Variants in CSMD1 observed in about 807,000 individuals in gnomAD.
The protein encoded by CSMD1 is CUB and Sushi multiple domains 1.
Under a neutral mutation model 417.5 loss-of-function variants are expected in CSMD1, and 213 were observed. The ratio of observed to expected loss-of-function variants is 0.51; its 90% CI spans 0.46 to 0.57. CSMD1 has a LOEUF of 0.57. Ranked by LOEUF, CSMD1 falls within the 20% of genes least tolerant of loss-of-function variation. CSMD1 has a pLI of 0.00. For missense variants in CSMD1, 6,923 were observed against 4,529.7 expected, an observed-to-expected ratio of 1.53 and a Z score of -15.17; for synonymous variants, 2,862 against 1,736.8, an observed-to-expected ratio of 1.65 and a Z score of -16.11.
At chr8:3,433,880 C>G (rs12675531) in intron 12 of CSMD1, among the ~76,000 whole-genome samples, 4,171 of 152,278 alleles carry the variant, frequency 0.027, 277 homozygotes, top group East Asian at 0.22. Context: ...GCTTCAACTT[C>G]TGGTTAAGTC....
At chr8:4,609,000 T>C (rs759196278) in intron 2 of CSMD1, among the ~76,000 whole-genome samples, 1 of 146,984 alleles carries the variant, frequency 6.8e-6, no homozygotes, top group Non-Finnish European at 1.5e-5. Flanking sequence ...GAATGTGGCA[T>C]ACTTGAATGT....
chr8:3,744,458 A>G (rs1446865398), intron 6 of CSMD1, among the ~76,000 whole-genome samples: 2 of 152,084 alleles, frequency 1.3e-5, no homozygotes, highest in African/African-American at 4.8e-5. Flanking sequence ...CTAGGAAACT[A>G]GATTTTAACT....
chr8:4,186,306 G>T (rs1354970748), intron 3 of CSMD1, among the ~76,000 whole-genome samples: 1 of 152,068 alleles, frequency 6.6e-6, no homozygotes, highest in Non-Finnish European at 1.5e-5. Flanking sequence ...AAGGTTGGGG[G>T]CAGTCAGCTT....
chr8:3,831,940 G>A (rs1242180925), intron 5 of CSMD1, among the ~76,000 whole-genome samples: 1 of 152,028 alleles, frequency 6.6e-6, no homozygotes, highest in African/African-American at 2.4e-5. Context: ...GATTAGTCCT[G>A]GAAAGTTTGC....
At chr8:2,942,421 C>G (rs938072289) in intron 69 of CSMD1, 51 bp downstream of exon 69, 1 of 1,534,208 alleles carries the variant, frequency 6.5e-7, no homozygotes, top group African/African-American at 1.4e-5. Context: ...TTACTTTAAA[C>G]CCATAGTTTA....
At position 3,459,204 on chromosome 8, in the gene CSMD1, G is replaced by T. The variant is rs141202054; in HGVS notation, c.1561+9508C>A. 1.1e-4 allele frequency among the ~76,000 whole-genome samples: 16 copies of T among 152,324 alleles called. No individual in the cohort carries two copies. In the East Asian group the frequency reaches 1.2e-3, roughly 11 times the overall value. On this transcript the variant is annotated intron_variant, in intron 12 of 69. Coordinates refer to ENST00000635120, the MANE Select transcript of CSMD1 (RefSeq NM_033225.6). Reference sequence around the variant, plus strand: ...AAATTCAGTGACTTGCTCTGTGGTGGCTGCACCGTGGTGGGGCACACGGGA... The same window carrying T: ...AAATTCAGTGACTTGCTCTGTGGTGTCTGCACCGTGGTGGGGCACACGGGA...
At chr8:3,495,370 G>C (rs535586181) in intron 10 of CSMD1, among the ~76,000 whole-genome samples, 1 of 152,150 alleles carries the variant, frequency 6.6e-6, no homozygotes, top group Non-Finnish European at 1.5e-5. Context: ...AATTCATTAA[G>C]GTTTGTGTGT....
At chr8:3,650,161 C>G (rs1159499006) in intron 7 of CSMD1, among the ~76,000 whole-genome samples, 2 of 151,932 alleles carry the variant, frequency 1.3e-5, no homozygotes, top group Non-Finnish European at 2.9e-5. Flanking sequence ...TGTCTGTAAT[C>G]CCAGCTATTG....
chr8:3,399,076 C>T (rs1439994701), intron 16 of CSMD1, among the ~76,000 whole-genome samples: 1 of 152,082 alleles, frequency 6.6e-6, no homozygotes, highest in Non-Finnish European at 1.5e-5. Context: ...TTTCCATGTG[C>T]AATCAGACAT....
At chr8:3,694,184 G>A (rs1297852848) in intron 7 of CSMD1, among the ~76,000 whole-genome samples, 1 of 152,020 alleles carries the variant, frequency 6.6e-6, no homozygotes, top group Non-Finnish European at 1.5e-5. Flanking sequence ...CCAACAAGGT[G>A]AATGTGTCCA....
chr8:3,513,422 G>A (rs1218667124), intron 10 of CSMD1, among the ~76,000 whole-genome samples: 1 of 151,392 alleles, frequency 6.6e-6, no homozygotes, highest in Non-Finnish European at 1.5e-5. Flanking sequence ...TGCCTCCCAG[G>A]ATCAAGCATT....
chr8:3,276,947 A>G (rs201347081), intron 26 of CSMD1, among the ~76,000 whole-genome samples: 1 of 152,170 alleles, frequency 6.6e-6, no homozygotes, highest in Admixed American at 6.5e-5. Flanking sequence ...TGGGCTAAGC[A>G]CTATTATAGA....
intron 2 of CSMD1, among the ~76,000 whole-genome samples, chr8:4,539,138 A>C (rs1022131559): frequency 5.9e-4 from 90 of 152,330 alleles, no homozygotes; most frequent in African/African-American, 2.1e-3. Context: ...GAAAAAGCTA[A>C]AAATGGATTT....
In CSMD1 at chr8:4,600,530, T is replaced by G. The variant is rs145822176; in HGVS notation, c.302+36812A>C. On this transcript the variant is annotated intron_variant, in intron 2 of 69. Transcript: ENST00000635120. ...TACATCTGTTTTTGTATGAAAATTA[T>G]AAATGAACACAGTTGATTATAACTA... 4.9e-3 allele frequency among the ~76,000 whole-genome samples: 739 copies of G among 152,364 alleles called. 2 individuals carry two copies. Among genetic ancestry groups the G allele is most frequent in the Non-Finnish European group, 8.9e-3 (608 of 68,038 alleles).
At chr8:3,791,137 C>T (rs1228698805) in intron 5 of CSMD1, among the ~76,000 whole-genome samples, 1 of 152,152 alleles carries the variant, frequency 6.6e-6, no homozygotes, top group Non-Finnish European at 1.5e-5. Flanking sequence ...GAGTGCATGA[C>T]AAACATATTC....
chr8:4,092,974 T>C (rs1470790164), intron 3 of CSMD1, among the ~76,000 whole-genome samples: 1 of 152,168 alleles, frequency 6.6e-6, no homozygotes, highest in Non-Finnish European at 1.5e-5. Context: ...GTGGGGAGTA[T>C]CTTATACATA....
intron 26 of CSMD1, among the ~76,000 whole-genome samples, chr8:3,282,587 T>A (rs1008544859): frequency 2.0e-5 from 3 of 152,132 alleles, no homozygotes; most frequent in African/African-American, 7.2e-5. Context: ...TAAAGGACTT[T>A]TTTTCCCCCA....
At chr8:4,298,448 A>G (rs948410260) in intron 3 of CSMD1, among the ~76,000 whole-genome samples, 7 of 152,248 alleles carry the variant, frequency 4.6e-5, no homozygotes, top group Non-Finnish European at 7.4e-5. Flanking sequence ...ATAATTCCCT[A>G]TACAGGAAAT....
In CSMD1 at chr8:3,851,558, C is replaced by A. The variant is rs571155621; in HGVS notation, c.819-97516G>T. On this transcript the variant is annotated intron_variant, in intron 5 of 69. Transcript: ENST00000635120. The stretch of plus-strand genomic sequence containing the variant: ...GAAAGGTGAGCCTCTGCACCTTGAG[C>A]AGCAACTCCCTGCTGCAGGCCAAGG... Among the ~76,000 whole-genome samples the A allele has an allele frequency of 1.2e-4, 18 of 152,310 alleles. No homozygotes were observed. In the South Asian group the frequency reaches 1.9e-3, roughly 16 times the overall value.
Sources: allele counts gnomAD v4.1 joint callset (sites outside exome capture counted in the v4.1 genomes callset), GRCh38; gene constraint gnomAD v4.1.1; transcripts MANE v1.5; gene names NCBI Gene and HGNC (gene_info 2026-07-23, HGNC 2026-07-21).